Variants in CDH13 observed in about 807,000 individuals in gnomAD.
CDH13 encodes the protein cadherin 13.
A neutral mutation model predicts 63.8 loss-of-function variants in CDH13; 24 were observed. The observed-to-expected ratio is 0.38, with a 90% CI of 0.27 to 0.53. The LOEUF is 0.53. Ranked by LOEUF, CDH13 falls within the 20% of genes least tolerant of loss-of-function variation. The probability of loss-of-function intolerance (pLI) is 0.85; values close to 1 mark genes in which losing one functional copy is unlikely to be tolerated. For missense variants in CDH13, 1,049 were observed against 903.1 expected, an observed-to-expected ratio of 1.16 and a Z score of -2.07; for synonymous variants, 503 against 355.3, an observed-to-expected ratio of 1.42 and a Z score of -4.67.
chr16:83,032,638 A>G (rs966532719), intron 3 of CDH13, among the ~76,000 whole-genome samples: 1 of 152,080 alleles, frequency 6.6e-6, no homozygotes, highest in African/African-American at 2.4e-5. Context: ...GCATCTCTTC[A>G]AGACGATGCT....
At chr16:83,495,791 G>A (rs1431585295) in intron 7 of CDH13, among the ~76,000 whole-genome samples, 1 of 152,178 alleles carries the variant, frequency 6.6e-6, no homozygotes, top group Non-Finnish European at 1.5e-5. Flanking sequence ...AGATGTCTTA[G>A]ATAGGAATTT....
chr16:83,034,391 G>A (rs1004678973), intron 3 of CDH13, among the ~76,000 whole-genome samples: 7 of 152,132 alleles, frequency 4.6e-5, no homozygotes, highest in African/African-American at 1.7e-4. Flanking sequence ...TGTACGGCAC[G>A]TCAGTCATGT....
chr16:83,627,997 A>T (rs1438209813), intron 8 of CDH13, among the ~76,000 whole-genome samples: 1 of 152,122 alleles, frequency 6.6e-6, no homozygotes, highest in African/African-American at 2.4e-5. Flanking sequence ...GCATTTGTAA[A>T]CTGTCATAGC....
rs555702518 is a variant in CDH13, at chr16:82,961,940, G to A, written c.158-70070G>A. ...AAAGAATTATCTGGCCCCAAACATC[G>A]ATAGTGCCAAGGTGGAGAAACCCTA... On this transcript the variant is annotated intron_variant, in intron 2 of 13. Coordinates refer to ENST00000567109, the MANE Select transcript of CDH13 (RefSeq NM_001257.5). 4.7e-4 allele frequency among the ~76,000 whole-genome samples: 71 copies of A among 152,260 alleles called. No homozygotes were observed. The South Asian group carries it at 5.0e-3, about 11-fold the overall frequency.
At chr16:83,144,348 AG>A (rs1215813365) in intron 4 of CDH13, among the ~76,000 whole-genome samples, 2 of 152,242 alleles carry the variant, frequency 1.3e-5, no homozygotes, top group Non-Finnish European at 2.9e-5. Flanking sequence ...GTATTTATAA[AG>A]GATGCTAACT....
rs118182439 is a variant in CDH13, at chr16:82,662,391, C to T, written c.45+35254C>T. Among the ~76,000 whole-genome samples, 1,491 of 152,286 alleles carry T rather than the reference C, an allele frequency of 9.8e-3. 7 individuals are homozygous for T. The highest frequency in any genetic ancestry group is 0.024 in the Middle Eastern group (7 of 294). On this transcript the variant is annotated intron_variant, in intron 1 of 13. Coordinates refer to ENST00000567109, the MANE Select transcript of CDH13 (RefSeq NM_001257.5). ...TATTGTCTGAACATATTTCAATGAGCATGTGTTACTGTTGTAATTAAAAAG... is the reference window on the plus strand; with the variant it reads ...TATTGTCTGAACATATTTCAATGAGTATGTGTTACTGTTGTAATTAAAAAG...
intron 6 of CDH13, among the ~76,000 whole-genome samples, chr16:83,461,951 G>A (rs1355818791): frequency 6.6e-6 from 1 of 152,220 alleles, no homozygotes; most frequent in Non-Finnish European, 1.5e-5. Flanking sequence ...TTTAGGCAAA[G>A]GCTGTACACC....
chr16:83,500,191 A>T, intron 7 of CDH13, among the ~76,000 whole-genome samples: 1 of 151,358 alleles, frequency 6.6e-6, no homozygotes, highest in African/African-American at 2.4e-5. Context: ...TGGGTCAAGC[A>T]ACACTATCAC....
intron 1 of CDH13, among the ~76,000 whole-genome samples, chr16:82,828,531 G>A (rs2151108714): frequency 6.6e-6 from 1 of 152,216 alleles, no homozygotes; most frequent in African/African-American, 2.4e-5. Context: ...GGTGGCTGAG[G>A]CATGAGAATT....
chr16:82,749,503 G>A (rs1182766072), intron 1 of CDH13, among the ~76,000 whole-genome samples: 1 of 152,068 alleles, frequency 6.6e-6, no homozygotes, highest in Non-Finnish European at 1.5e-5. Flanking sequence ...TCCTAACAGT[G>A]CTCTGAAGTA....
At chr16:82,936,703 C>T (rs578140054) in intron 2 of CDH13, among the ~76,000 whole-genome samples, 5 of 152,294 alleles carry the variant, frequency 3.3e-5, no homozygotes, top group Admixed American at 6.5e-5. Flanking sequence ...GTCCTACCTA[C>T]GGATGCCAAT....
intron 4 of CDH13, among the ~76,000 whole-genome samples, chr16:83,145,343 C>T (rs1374137070): frequency 6.6e-6 from 1 of 152,204 alleles, no homozygotes; most frequent in East Asian, 1.9e-4. Flanking sequence ...ACAGTTATGA[C>T]TCTGCCAAGC....
intron 7 of CDH13, among the ~76,000 whole-genome samples, chr16:83,553,034 G>A (rs574447989): frequency 1.9e-4 from 29 of 150,864 alleles, no homozygotes; most frequent in East Asian, 2.0e-4. Context: ...AGCTGAGATC[G>A]CGTCACTGCA....
chr16:83,346,481 G>A (rs2090841772), intron 6 of CDH13, among the ~76,000 whole-genome samples: 1 of 152,212 alleles, frequency 6.6e-6, no homozygotes, highest in African/African-American at 2.4e-5. Context: ...ATTGCTATCT[G>A]TGGTACTCGG....
chr16:83,199,539 G>A (rs1279263939), intron 4 of CDH13, among the ~76,000 whole-genome samples: 2 of 152,224 alleles, frequency 1.3e-5, no homozygotes, highest in East Asian at 3.9e-4. Context: ...CAGGTAAAAT[G>A]CACACGTAGC....
chr16:82,842,100 A>T (rs1214434666), intron 1 of CDH13, among the ~76,000 whole-genome samples: 1 of 33,422 alleles, frequency 3.0e-5, no homozygotes, highest in Non-Finnish European at 5.9e-5. Context: ...ACATATATAT[A>T]TATATATATA....
At chr16:82,653,473 A>G (rs1910961637) in intron 1 of CDH13, among the ~76,000 whole-genome samples, 1 of 152,220 alleles carries the variant, frequency 6.6e-6, no homozygotes, top group African/African-American at 2.4e-5. Flanking sequence ...GCCCTGAAGG[A>G]GCAACAGAAA....
chr16:82,693,328 A>T (rs1915815289), intron 1 of CDH13, among the ~76,000 whole-genome samples: 1 of 152,226 alleles, frequency 6.6e-6, no homozygotes, highest in African/African-American at 2.4e-5. Flanking sequence ...TAACACATAC[A>T]TGAAAGTCTA....
At chr16:82,725,223 A>G (rs1030140139) in intron 1 of CDH13, among the ~76,000 whole-genome samples, 1 of 152,106 alleles carries the variant, frequency 6.6e-6, no homozygotes, top group East Asian at 1.9e-4. Context: ...TGTTTCCCTC[A>G]TTGCAAATAA....
Sources: allele counts gnomAD v4.1 joint callset (sites outside exome capture counted in the v4.1 genomes callset), GRCh38; gene constraint gnomAD v4.1.1; transcripts MANE v1.5; gene names NCBI Gene and HGNC (gene_info 2026-07-23, HGNC 2026-07-21).